TRPC5: variants seen among roughly 807,000 people sequenced by gnomAD.
TRPC5 encodes the protein transient receptor potential cation channel subfamily C member 5, also known as short transient receptor potential channel 5.
Under a neutral mutation model 56.5 loss-of-function variants are expected in TRPC5, and 9 were observed. The observed-to-expected ratio is 0.16, with a 90% CI of 0.10 to 0.28. The LOEUF is 0.28. Among genes scored for constraint, TRPC5 ranks in the 10% least tolerant of loss-of-function variants. The probability of loss-of-function intolerance (pLI) is 1.00; values close to 1 mark genes in which losing one functional copy is unlikely to be tolerated. For synonymous variants in TRPC5, 282 were observed against 278.5 expected (o/e 1.01, Z -0.13); for missense variants, 469 against 748.9 (o/e 0.63, Z 4.36).
intron 2 of TRPC5, among the ~76,000 whole-genome samples, chrX:111,925,886 C>T (rs1926243962): frequency 9.0e-6 from 1 of 111,444 alleles, no homozygotes; most frequent in Admixed American, 9.6e-5. Flanking sequence ...TTTTCTCATT[C>T]TTGGTGTGAC....
At chrX:111,784,966 A>G (rs1399014974) in intron 7 of TRPC5, among the ~76,000 whole-genome samples, 2 of 112,488 alleles carry the variant, frequency 1.8e-5, no homozygotes, top group Admixed American at 9.4e-5. Context: ...CACTGCCTCT[A>G]GACTCCACCT....
At chrX:112,055,808 G>A (rs1485843607) in intron 1 of TRPC5, among the ~76,000 whole-genome samples, 1 of 108,371 alleles carries the variant, frequency 9.2e-6, no homozygotes, top group Non-Finnish European at 1.9e-5. Context: ...TATTGGGAGG[G>A]TTTTTTTAGT....
intron 3 of TRPC5, among the ~76,000 whole-genome samples, chrX:111,891,716 A>G (rs1336733534): frequency 9.1e-6 from 1 of 109,574 alleles, no homozygotes; most frequent in African/African-American, 3.3e-5. Flanking sequence ...AATTTTTTGT[A>G]GTTTTGTAGT....
At chrX:112,072,223 G>A (rs1930735260) in intron 1 of TRPC5, among the ~76,000 whole-genome samples, 1 of 111,812 alleles carries the variant, frequency 8.9e-6, no homozygotes, top group South Asian at 3.7e-4. Flanking sequence ...AGACCTCTCT[G>A]AGCCTTGGTT....
At chrX:111,923,349 T>C (rs1926172549) in intron 2 of TRPC5, among the ~76,000 whole-genome samples, 1 of 111,869 alleles carries the variant, frequency 8.9e-6, no homozygotes, top group South Asian at 3.7e-4. Flanking sequence ...AAAACTATTC[T>C]TGAGTTTTCA....
At chrX:111,910,880 G>A (rs1473194928) in intron 3 of TRPC5, among the ~76,000 whole-genome samples, 4 of 112,712 alleles carry the variant, frequency 3.5e-5, no homozygotes, top group Admixed American at 9.4e-5. Context: ...TTCGCTGTGC[G>A]TAAGTATATT....
chrX:111,814,545 C>A (rs1001625243), intron 7 of TRPC5, among the ~76,000 whole-genome samples: 5 of 110,693 alleles, frequency 4.5e-5, no homozygotes, highest in Non-Finnish European at 7.6e-5. Context: ...TCCACTGCCC[C>A]CAAGACTCCC....
At chrX:111,906,882 T>C (rs1277824982) in intron 3 of TRPC5, among the ~76,000 whole-genome samples, 2 of 111,815 alleles carry the variant, frequency 1.8e-5, no homozygotes, top group Non-Finnish European at 3.8e-5. Context: ...TTCTGCTCTG[T>C]CCTATTCCTC....
At position 112,025,062 on chromosome X, in the gene TRPC5, C is replaced by A. The variant is rs769307966; in HGVS notation, c.-22+56817G>T. On this transcript the variant is annotated intron_variant, in intron 1 of 10. Coordinates refer to ENST00000262839, the MANE Select transcript of TRPC5 (RefSeq NM_012471.3). Reference sequence around the variant, plus strand: ...GAAACTATTCATACCAAATACAACACAAACCCCTTGCTTTCTTTGGTGTCT... The same window carrying A: ...GAAACTATTCATACCAAATACAACAAAAACCCCTTGCTTTCTTTGGTGTCT... Among the ~76,000 whole-genome samples the A allele has an allele frequency of 1.2e-4, 13 of 112,141 alleles. No homozygotes were observed. The Admixed American group carries it at 1.2e-3, about 11-fold the overall frequency.
chrX:111,786,743 A>G (rs1945969434), intron 7 of TRPC5, among the ~76,000 whole-genome samples: 1 of 110,789 alleles, frequency 9.0e-6, no homozygotes, highest in Admixed American at 9.6e-5. Flanking sequence ...ATGGAAAGCA[A>G]AAAAAAAGCA....
At chrX:111,778,740 C>T (rs1603023707) in intron 10 of TRPC5, among the ~76,000 whole-genome samples, 2 of 112,028 alleles carry the variant, frequency 1.8e-5, no homozygotes, top group African/African-American at 3.2e-5. Flanking sequence ...CTGAGAAACA[C>T]TCAGAATATT....
chrX:112,000,010 A>T (rs1036875925), intron 1 of TRPC5, among the ~76,000 whole-genome samples: 1 of 112,151 alleles, frequency 8.9e-6, no homozygotes, highest in African/African-American at 3.2e-5. Flanking sequence ...CAATTAGAGT[A>T]TCTGACTCAT....
chrX:111,828,148 C>T (rs1031993266), intron 7 of TRPC5, among the ~76,000 whole-genome samples: 10 of 112,174 alleles, frequency 8.9e-5, no homozygotes, highest in Non-Finnish European at 1.9e-4. Flanking sequence ...CTACTTGTCT[C>T]GCTCCATCTT....
chrX:111,822,934 G>A (rs1396459513), intron 7 of TRPC5, among the ~76,000 whole-genome samples: 2 of 111,414 alleles, frequency 1.8e-5, no homozygotes, highest in South Asian at 3.9e-4. Context: ...TCTGGGATCC[G>A]GAGGAGTAGC....
At chrX:111,787,342 T>C (rs1268479631) in intron 7 of TRPC5, among the ~76,000 whole-genome samples, 1 of 111,550 alleles carries the variant, frequency 9.0e-6, no homozygotes, top group Non-Finnish European at 1.9e-5. Context: ...GAAATAAAGA[T>C]GTTCTTTGAA....
At position 111,776,564 on chromosome X, in the gene TRPC5, C is replaced by T; in HGVS notation, c.2671G>A (p.Ala891Thr). ...IRYSQMEKGK[A>T]EACSQSEINL... The stretch of plus-strand genomic sequence containing the variant: ...ATTTCACTTTGAGAACAGGCCTCTG[C>T]TTTCCCTTTCTCCATCTGAGAATAT... The change falls in exon 11 of 11, where the codon GCA (alanine) becomes ACA (threonine). Residue 891 changes from alanine (A) to threonine (T), a missense_variant. Around this residue, in one of 3 missense-constraint regions of TRPC5, gnomAD observed 194 missense variants for 221.8 expected, o/e 0.87. Coordinates refer to ENST00000262839, the MANE Select transcript of TRPC5 (RefSeq NM_012471.3). 3 of 1,211,866 alleles carry T rather than the reference C, an allele frequency of 2.5e-6. No homozygotes were observed. The highest frequency in any genetic ancestry group is 3.3e-6 in the Non-Finnish European group (3 of 895,563).
At chrX:112,031,199 C>T (rs752609671) in intron 1 of TRPC5, among the ~76,000 whole-genome samples, 1 of 111,584 alleles carries the variant, frequency 9.0e-6, no homozygotes, top group Non-Finnish European at 1.9e-5. Flanking sequence ...CCGGAGGTTC[C>T]CCTAGGGCAG....
chrX:112,061,651 A>G (rs758843316), intron 1 of TRPC5, among the ~76,000 whole-genome samples: 39 of 111,868 alleles, frequency 3.5e-4, no homozygotes, highest in African/African-American at 1.3e-3. Flanking sequence ...CAGTCTTTAC[A>G]AAGGCAGCTA....
chrX:112,054,726 C>G lies in TRPC5; in HGVS notation c.-22+27153G>C, dbSNP rs777309027. Among the ~76,000 whole-genome samples the G allele has an allele frequency of 4.5e-5, 5 of 111,388 alleles. No individual in the cohort carries two copies. The Admixed American group carries it at 4.8e-4, about 11-fold the overall frequency. ...CTTTAAAGCCTATAGAACATAACCA[C>G]TCTGCTATTTATGACATTTCTCATA... On this transcript the variant is annotated intron_variant, in intron 1 of 10. Coordinates refer to ENST00000262839, the MANE Select transcript of TRPC5 (RefSeq NM_012471.3).
Sources: allele counts gnomAD v4.1 joint callset (sites outside exome capture counted in the v4.1 genomes callset), GRCh38; gene constraint gnomAD v4.1.1; regional missense constraint gnomAD v4.1.1; transcripts MANE v1.5; gene names NCBI Gene and HGNC (gene_info 2026-07-23, HGNC 2026-07-21).